DACH2: variants seen among roughly 807,000 people sequenced by gnomAD.
DACH2 encodes the protein dachshund family transcription factor 2, also known as dachshund homolog 2.
DACH2 carries 17 observed loss-of-function variants against 35.8 expected under a neutral mutation model. The ratio of observed to expected loss-of-function variants is 0.48; its 90% CI spans 0.33 to 0.71. DACH2 has a LOEUF of 0.71. DACH2 is among the 30% of genes least tolerant of loss of function. The pLI is 0.02. For synonymous variants in DACH2, 195 were observed against 177.3 expected (o/e 1.10, Z -0.79); for missense variants, 469 against 472.7 (o/e 0.99, Z 0.07).
chrX:86,818,144 T>C (rs2042471271), intron 11 of DACH2, among the ~76,000 whole-genome samples: 1 of 111,837 alleles, frequency 8.9e-6, no homozygotes, highest in Non-Finnish European at 1.9e-5. Context: ...ATAAATGTGA[T>C]AAAAATGGAA....
intron 3 of DACH2, among the ~76,000 whole-genome samples, chrX:86,573,871 A>G (rs1360119037): frequency 9.0e-6 from 1 of 111,637 alleles, no homozygotes. Flanking sequence ...CAATACAGCC[A>G]TACAATATGT....
At chrX:86,338,292 C>T in intron 1 of DACH2, among the ~76,000 whole-genome samples, 1 of 111,658 alleles carries the variant, frequency 9.0e-6, no homozygotes, top group Non-Finnish European at 1.9e-5. Context: ...TACACTTATT[C>T]TAAAATTGAC....
At chrX:86,691,635 A>G (rs1444262351) in intron 4 of DACH2, among the ~76,000 whole-genome samples, 1 of 111,722 alleles carries the variant, frequency 9.0e-6, no homozygotes, top group African/African-American at 3.3e-5. Flanking sequence ...CAGAGGAAAG[A>G]GCATGTGAGG....
intron 1 of DACH2, among the ~76,000 whole-genome samples, chrX:86,234,226 C>T (rs1287868318): frequency 8.9e-6 from 1 of 111,904 alleles, no homozygotes; most frequent in Non-Finnish European, 1.9e-5. Context: ...GTGACATGTG[C>T]ATATGGAATG....
chrX:86,323,915 G>T (rs2035063224), intron 1 of DACH2, among the ~76,000 whole-genome samples: 1 of 111,937 alleles, frequency 8.9e-6, no homozygotes. Context: ...TTTTAAAATA[G>T]TTCTTTGAGA....
chrX:86,372,961 T>A (rs1208947513), intron 1 of DACH2, among the ~76,000 whole-genome samples: 1 of 111,378 alleles, frequency 9.0e-6, no homozygotes, highest in Non-Finnish European at 1.9e-5. Context: ...TCTCTTAGGA[T>A]AATGGCCTCC....
At chrX:86,755,973 C>A (rs994814427) in intron 7 of DACH2, among the ~76,000 whole-genome samples, 1 of 110,878 alleles carries the variant, frequency 9.0e-6, no homozygotes, top group African/African-American at 3.3e-5. Flanking sequence ...ATTTTCCCAG[C>A]ACCATTTATT....
chrX:86,400,285 G>GT lies in DACH2; in HGVS notation c.527+23432dup, dbSNP rs199563387. Among the ~76,000 whole-genome samples the GT allele has an allele frequency of 3.4e-4, 37 of 109,151 alleles. No homozygotes were observed. The East Asian group carries it at 4.7e-3, about 14-fold the overall frequency. The allele number at this position is 109,151 out of a possible 115,157, so 94.8% of individuals were successfully genotyped here. A position where few individuals can be genotyped will look rare whatever the true frequency, so the allele number is the denominator to read the frequency against. ...GTTATTCTAGTTATCCATTCGTCTA[G>GT]TTTTTTTTTCAAAGTTTTTAACTTT... On this transcript the variant is annotated intron_variant, in intron 2 of 11. Transcript: ENST00000373125.
At chrX:86,783,234 TA>T (rs1350514343) in intron 7 of DACH2, among the ~76,000 whole-genome samples, 4 of 111,486 alleles carry the variant, frequency 3.6e-5, no homozygotes, top group Non-Finnish European at 7.6e-5. Context: ...TCACCACAAT[TA>T]AAATGGCTTA....
chrX:86,310,719 G>A (rs2034783400), intron 1 of DACH2, among the ~76,000 whole-genome samples: 1 of 111,206 alleles, frequency 9.0e-6, no homozygotes, highest in Admixed American at 9.6e-5. Flanking sequence ...TTGGAAAATT[G>A]GTGACAAAGA....
chrX:86,355,760 T>C (rs2035632318), intron 1 of DACH2, among the ~76,000 whole-genome samples: 2 of 111,799 alleles, frequency 1.8e-5, no homozygotes, highest in African/African-American at 6.5e-5. Context: ...GTGGTTTTGA[T>C]TTGCATTTCT....
intron 11 of DACH2, 109 bp from the exon 12 acceptor site, chrX:86,831,997 C>A: frequency 2.2e-6 from 1 of 459,308 alleles, no homozygotes; most frequent in Non-Finnish European, 3.6e-6. Flanking sequence ...CTAAATTGAG[C>A]CTGTTACATC....
Position 86,514,368 on chromosome X carries a change from C to T in DACH2, c.617C>T (p.Ser206Leu). Residue 206 changes from serine to leucine, a missense_variant, in exon 3 of 12, where the codon TCG becomes TTG. By Grantham distance (145) the Ser-to-Leu change is moderately radical (BLOSUM62 -2). Coordinates refer to ENST00000373125, the MANE Select transcript of DACH2 (RefSeq NM_053281.3). ...ACCCATGCAGTCCCAGGCCTCTTAT[C>T]GCCAGGACTTATCACTCCGACAGGT... ...LLTHAVPGLL[S>L]PGLITPTGIT... The T allele has an allele frequency of 1.7e-6, 2 of 1,210,209 alleles. No individual in the cohort carries two copies. Among genetic ancestry groups the T allele is most frequent in the Non-Finnish European group, 2.2e-6 (2 of 894,745 alleles).
At chrX:86,731,963 G>T (rs948490118) in intron 6 of DACH2, among the ~76,000 whole-genome samples, 5 of 112,397 alleles carry the variant, frequency 4.4e-5, no homozygotes, top group African/African-American at 1.6e-4. Flanking sequence ...CACTAGGCAT[G>T]TGTGGGTATT....
At chrX:86,711,495 G>A (rs2041279535) in intron 5 of DACH2, among the ~76,000 whole-genome samples, 1 of 112,574 alleles carries the variant, frequency 8.9e-6, no homozygotes, top group Non-Finnish European at 1.9e-5. Context: ...CCATTTTGGT[G>A]ATTTTTAAAA....
At chrX:86,416,757 G>C (rs1249089338) in intron 2 of DACH2, among the ~76,000 whole-genome samples, 1 of 110,591 alleles carries the variant, frequency 9.0e-6, no homozygotes, top group Non-Finnish European at 1.9e-5. Flanking sequence ...TGGCAAGAGA[G>C]GGAGCAAGAG....
intron 1 of DACH2, among the ~76,000 whole-genome samples, chrX:86,257,095 T>C (rs907957728): frequency 2.7e-5 from 3 of 111,935 alleles, no homozygotes; most frequent in Admixed American, 9.5e-5. Flanking sequence ...GATTTTTCAA[T>C]AATCTTCAGA....
intron 2 of DACH2, among the ~76,000 whole-genome samples, chrX:86,458,427 G>C (rs751989754): frequency 1.8e-5 from 2 of 111,281 alleles, no homozygotes; most frequent in South Asian, 7.6e-4. Context: ...TTAATGAAGG[G>C]GATAATGGAC....
At chrX:86,511,583 C>G (rs1366686813) in intron 2 of DACH2, among the ~76,000 whole-genome samples, 1 of 111,628 alleles carries the variant, frequency 9.0e-6, no homozygotes, top group African/African-American at 3.3e-5. Flanking sequence ...CACAATATAT[C>G]AATGAAAAAA....
Sources: gnomAD v4.1 joint callset for allele counts (sites outside exome capture counted in the v4.1 genomes callset) on GRCh38, gnomAD v4.1.1 for gene constraint, MANE v1.5 for transcripts, NCBI Gene and HGNC (gene_info 2026-07-23, HGNC 2026-07-21) for gene names.